SAMTOR: variants seen among roughly 807,000 people sequenced by gnomAD.
SAMTOR encodes S-adenosylmethionine sensor upstream of mTORC1, also known as UPF0532 protein C7orf60.
the SAMTOR span, among the ~76,000 whole-genome samples, chr7:112,870,154 C>A: frequency 6.6e-6 from 1 of 152,162 alleles, no homozygotes; most frequent in Admixed American, 6.5e-5. Context: ...GAAAATTTCC[C>A]CCATCTTGGT....
the SAMTOR span, chr7:112,939,827 A>G: frequency 2.5e-4 from 301 of 1,201,188 alleles, 1 homozygote; most frequent in African/African-American, 4.2e-3. Flanking sequence ...GGGTAGGAGG[A>G]GGGAGCTGCG....
chr7:112,821,771 T>C, the SAMTOR span: 1 of 1,608,940 alleles, frequency 6.2e-7, no homozygotes, highest in South Asian at 1.1e-5. Flanking sequence ...TGGGGTCTTC[T>C]AGCTCATAGA....
the SAMTOR span, among the ~76,000 whole-genome samples, chr7:112,925,145 G>C: frequency 3.9e-5 from 6 of 152,150 alleles, no homozygotes; most frequent in Non-Finnish European, 5.9e-5. Context: ...TCTCTAAATA[G>C]AACTTCAGAA....
chr7:112,935,025 G>A, the SAMTOR span, among the ~76,000 whole-genome samples: 7 of 152,204 alleles, frequency 4.6e-5, no homozygotes, highest in East Asian at 7.7e-4. Flanking sequence ...TGTTGGGAAT[G>A]GCAGTTCAAA....
At chr7:112,928,667 G>C in the SAMTOR span, among the ~76,000 whole-genome samples, 1 of 151,860 alleles carries the variant, frequency 6.6e-6, no homozygotes, top group African/African-American at 2.4e-5. Context: ...ACAGAGGATG[G>C]CTTTCAATAA....
At chr7:112,835,443 CTG>C in the SAMTOR span, among the ~76,000 whole-genome samples, 10 of 152,072 alleles carry the variant, frequency 6.6e-5, no homozygotes, top group Non-Finnish European at 1.5e-4. Context: ...AATGTAATAA[CTG>C]GTATAGGTTT....
chr7:112,917,160 C>T, the SAMTOR span, among the ~76,000 whole-genome samples: 1 of 152,214 alleles, frequency 6.6e-6, no homozygotes, highest in African/African-American at 2.4e-5. Context: ...CAAGTGGGTC[C>T]CTGACCCCTG....
At chr7:112,827,418 G>C in the SAMTOR span, among the ~76,000 whole-genome samples, 1 of 151,860 alleles carries the variant, frequency 6.6e-6, no homozygotes, top group Non-Finnish European at 1.5e-5. Flanking sequence ...AGCCTTGTTG[G>C]CTGATTAGGT....
the SAMTOR span, among the ~76,000 whole-genome samples, chr7:112,917,824 G>A: frequency 2.0e-5 from 3 of 152,110 alleles, no homozygotes; most frequent in Admixed American, 6.5e-5. Flanking sequence ...GAGCTGATGC[G>A]ATCAACTGGA....
chr7:112,933,599 T>G, the SAMTOR span, among the ~76,000 whole-genome samples: 1 of 152,212 alleles, frequency 6.6e-6, no homozygotes, highest in Non-Finnish European at 1.5e-5. Flanking sequence ...GAGGAAGGAA[T>G]GAATGTGAAA....
At chr7:112,909,749 A>ATAAGT in the SAMTOR span, among the ~76,000 whole-genome samples, 1 of 152,078 alleles carries the variant, frequency 6.6e-6, no homozygotes, top group Non-Finnish European at 1.5e-5. Context: ...TAAAAAACAG[A>ATAAGT]TAAGTTAAGC....
At chr7:112,935,065 C>A in the SAMTOR span, 1 of 244,858 alleles carries the variant, frequency 4.1e-6, no homozygotes, top group South Asian at 4.4e-5. Context: ...ACAGGACCTT[C>A]TGTGACAACC....
the SAMTOR span, among the ~76,000 whole-genome samples, chr7:112,916,457 T>A: frequency 6.6e-6 from 1 of 151,844 alleles, no homozygotes; most frequent in Non-Finnish European, 1.5e-5. Context: ...ATAGAGGGGG[T>A]TGGAGCCAAG....
the SAMTOR span, among the ~76,000 whole-genome samples, chr7:112,840,850 G>A: frequency 7.2e-5 from 11 of 152,150 alleles, no homozygotes; most frequent in East Asian, 2.1e-3. Flanking sequence ...TATTTCAATA[G>A]ATGCAGAAAA....
At chr7:112,884,991 C>A in the SAMTOR span, among the ~76,000 whole-genome samples, 5 of 152,232 alleles carry the variant, frequency 3.3e-5, no homozygotes, top group Non-Finnish European at 7.3e-5. Flanking sequence ...AACCTCAATT[C>A]TTCTATTCAC....
chr7:112,931,319 CAACAA>C, the SAMTOR span, among the ~76,000 whole-genome samples: 1 of 150,974 alleles, frequency 6.6e-6, no homozygotes, highest in Non-Finnish European at 1.5e-5. Flanking sequence ...AAAAAAAACA[CAACAA>C]AACAAATCAA....
chr7:112,852,596 T>A, the SAMTOR span, among the ~76,000 whole-genome samples: 1 of 151,946 alleles, frequency 6.6e-6, no homozygotes, highest in Non-Finnish European at 1.5e-5. Context: ...TCTATTCAAA[T>A]AATAAAAAAG....
chr7:112,928,547 T>G, the SAMTOR span, among the ~76,000 whole-genome samples: 7 of 152,106 alleles, frequency 4.6e-5, no homozygotes, highest in Admixed American at 2.6e-4. Context: ...AGAAGTTAAT[T>G]AGGGTGCTCA....
At chr7:112,896,729 A>G in the SAMTOR span, among the ~76,000 whole-genome samples, 6 of 152,238 alleles carry the variant, frequency 3.9e-5, no homozygotes, top group East Asian at 1.2e-3. Flanking sequence ...ATTACTATAT[A>G]TAACAATAAA....
Sources: gnomAD v4.1 joint callset for allele counts (sites outside exome capture counted in the v4.1 genomes callset) on GRCh38, gnomAD v4.1.1 for gene constraint, MANE v1.5 for transcripts, NCBI Gene and HGNC (gene_info 2026-07-23, HGNC 2026-07-21) for gene names.